The following SCAPER variants were observed in gnomAD, a reference collection of about 807,000 sequenced individuals.
SCAPER encodes the protein S-phase cyclin A associated protein in the ER.
In SCAPER, 98 loss-of-function variants were observed where a neutral mutation model predicts 182.2. That is an observed-to-expected ratio of 0.54 (90% CI 0.46 to 0.64). The LOEUF (loss-of-function observed/expected upper bound fraction) is 0.64, where lower values mean the gene tolerates loss of function less well. Among genes scored for constraint, SCAPER ranks in the 30% least tolerant of loss-of-function variants. SCAPER has a pLI of 0.00. For missense variants in SCAPER, 1,432 were observed against 1,690.0 expected (o/e 0.85, Z 2.68); for synonymous variants, 605 against 564.6 (o/e 1.07, Z -1.01).
rs1406394778 is a variant in SCAPER, at chr15:76,650,806, G to A, written c.2645+14847C>T. On this transcript the variant is annotated intron_variant, in intron 21 of 31. Coordinates refer to ENST00000563290, the MANE Select transcript of SCAPER (RefSeq NM_020843.4). ...AAATCTTAATATTTTTAAAGGGAAT[G>A]AAATTATACACAGTATCTTCTCTGA... 2.6e-5 allele frequency among the ~76,000 whole-genome samples: 4 copies of A among 152,172 alleles called. No homozygotes were observed. In the East Asian group the frequency reaches 7.7e-4, roughly 29 times the overall value.
chr15:76,494,838 G>A (rs1253897055), intron 24 of SCAPER, among the ~76,000 whole-genome samples: 1 of 152,022 alleles, frequency 6.6e-6, no homozygotes, highest in Admixed American at 6.5e-5. Context: ...CATCACAGAA[G>A]AAATTCAACA....
chr15:76,379,972 G>A (rs1216533650), intron 28 of SCAPER: 2 of 152,134 alleles, frequency 1.3e-5, no homozygotes. Flanking sequence ...TGTTGGCCAA[G>A]AAGACCCGTG....
At chr15:76,821,477 C>T (rs149692945) in intron 5 of SCAPER, among the ~76,000 whole-genome samples, 315 of 152,238 alleles carry the variant, frequency 2.1e-3, no homozygotes, top group African/African-American at 7.4e-3. Context: ...AGAAAATTAG[C>T]CAGGCATAGT....
intron 25 of SCAPER, 154 bp downstream of exon 25, chr15:76,471,058 C>A: frequency 1.5e-6 from 1 of 683,078 alleles, no homozygotes; most frequent in Non-Finnish European, 2.1e-6. Context: ...CTGCCAGTCT[C>A]TATTCTCACA....
chr15:76,763,751 T>C (rs1411424682), intron 14 of SCAPER, among the ~76,000 whole-genome samples: 1 of 152,194 alleles, frequency 6.6e-6, no homozygotes, highest in Admixed American at 6.5e-5. Context: ...GCTGAAGCTC[T>C]CTACTGCATT....
chr15:76,602,202 G>A (rs1412081280), intron 22 of SCAPER, among the ~76,000 whole-genome samples: 2 of 120,948 alleles, frequency 1.7e-5, no homozygotes, highest in Non-Finnish European at 4.0e-5. Flanking sequence ...ATGTTTATTC[G>A]TTCTTCAAAA....
chr15:76,678,358 C>T (rs1300700311), intron 20 of SCAPER, among the ~76,000 whole-genome samples: 1 of 152,124 alleles, frequency 6.6e-6, no homozygotes, highest in African/African-American at 2.4e-5. Flanking sequence ...TCTCAGCCTA[C>T]ATTTTATCAA....
intron 21 of SCAPER, among the ~76,000 whole-genome samples, chr15:76,624,504 C>T (rs1050482110): frequency 1.3e-5 from 2 of 152,152 alleles, no homozygotes; most frequent in Non-Finnish European, 2.9e-5. Context: ...AATGCTATTC[C>T]TATTAAGTTA....
intron 21 of SCAPER, among the ~76,000 whole-genome samples, chr15:76,659,581 AT>A (rs1201550991): frequency 6.6e-6 from 1 of 152,214 alleles, no homozygotes; most frequent in East Asian, 1.9e-4. Flanking sequence ...GAACAGACAC[AT>A]TTTTAAGAAG....
chr15:76,520,481 G>A (rs1226523296), intron 23 of SCAPER, among the ~76,000 whole-genome samples: 2 of 152,118 alleles, frequency 1.3e-5, no homozygotes, highest in Non-Finnish European at 2.9e-5. Context: ...ACCTCCCAAA[G>A]TCCTGGGATG....
At chr15:76,736,016 G>A (rs1043364817) in intron 15 of SCAPER, among the ~76,000 whole-genome samples, 2 of 152,094 alleles carry the variant, frequency 1.3e-5, no homozygotes, top group African/African-American at 4.8e-5. Context: ...TGTTTGTACT[G>A]AACATGTACA....
intron 25 of SCAPER, among the ~76,000 whole-genome samples, chr15:76,435,734 C>T (rs778576873): frequency 1.2e-4 from 18 of 152,276 alleles, no homozygotes; most frequent in Non-Finnish European, 2.1e-4. Context: ...TACATTTTAT[C>T]GATAGTTTGG....
At chr15:76,903,801 T>A (rs973024485) in intron 1 of SCAPER, among the ~76,000 whole-genome samples, 4 of 152,140 alleles carry the variant, frequency 2.6e-5, no homozygotes, top group African/African-American at 4.8e-5. Flanking sequence ...TAGGAACAGT[T>A]CTCAATACTT....
chr15:76,520,116 C>T (rs1375079871), intron 23 of SCAPER, among the ~76,000 whole-genome samples: 1 of 152,184 alleles, frequency 6.6e-6, no homozygotes, highest in Non-Finnish European at 1.5e-5. Flanking sequence ...CCTACTATAT[C>T]CATGAACAAC....
Position 76,702,833 on chromosome 15 carries a change from T to G in SCAPER, c.2400+17A>C. 1 of 1,586,298 alleles carries G rather than the reference T, an allele frequency of 6.3e-7. No homozygotes were observed. The highest frequency in any genetic ancestry group is 8.5e-7 in the Non-Finnish European group (1 of 1,170,538). On this transcript the variant is annotated intron_variant, in intron 19 of 31. Coordinates refer to ENST00000563290, the MANE Select transcript of SCAPER (RefSeq NM_020843.4). ...AGTAGTAAACTATATCATTACAATA[T>G]TGATATAACAACCTACCAGGACATT... is the stretch of plus-strand genomic sequence containing the variant.
chr15:76,645,814 CAAAGT>C (rs1028046286), intron 21 of SCAPER, among the ~76,000 whole-genome samples: 10 of 152,054 alleles, frequency 6.6e-5, no homozygotes, highest in African/African-American at 2.2e-4. Flanking sequence ...CTTAAGATCA[CAAAGT>C]AAATAACCAA....
chr15:76,349,232 CA>C (rs2040376665), intron 31 of SCAPER: 1 of 152,080 alleles, frequency 6.6e-6, no homozygotes, highest in Non-Finnish European at 1.5e-5. Context: ...AAAAAAAGAA[CA>C]AACTAAAATG....
At chr15:76,545,194 T>C (rs977595909) in intron 23 of SCAPER, among the ~76,000 whole-genome samples, 1 of 152,168 alleles carries the variant, frequency 6.6e-6, no homozygotes, top group Non-Finnish European at 1.5e-5. Context: ...TAGTCATTAT[T>C]CTTGATGCTC....
chr15:76,833,317 A>G (rs749958068), intron 5 of SCAPER, among the ~76,000 whole-genome samples: 3 of 152,210 alleles, frequency 2.0e-5, no homozygotes, highest in Non-Finnish European at 4.4e-5. Context: ...CTTTTGACAC[A>G]AGCAAATGCT....
Sources: allele counts gnomAD v4.1 joint callset (sites outside exome capture counted in the v4.1 genomes callset), GRCh38; gene constraint gnomAD v4.1.1; transcripts MANE v1.5; gene names NCBI Gene and HGNC (gene_info 2026-07-23, HGNC 2026-07-21).